ARHGAP40: variants seen among roughly 807,000 people sequenced by gnomAD.
The protein encoded by ARHGAP40 is rho GTPase-activating protein 40.
A neutral mutation model predicts 73.5 loss-of-function variants in ARHGAP40; 43 were observed. The observed-to-expected ratio is 0.58, with a 90% CI of 0.46 to 0.75. The LOEUF is 0.75. Among genes scored for constraint, ARHGAP40 ranks in the 30% least tolerant of loss-of-function variants. The pLI is 0.00. For missense variants in ARHGAP40, 734 were observed against 861.8 expected (o/e 0.85, Z 1.86); for synonymous variants, 300 against 352.8 (o/e 0.85, Z 1.68).
chr20:38,648,629 TC>T lies in ARHGAP40; in HGVS notation c.1881-13del. On this transcript the variant is annotated splice_polypyrimidine_tract_variant and intron_variant, in intron 13 of 14. Transcript: ENST00000373345. ...AAGGCAGTAGTTTTTTTTTTCTCTC[TC>T]TCTGTTTTACAGCCATAGGTCCATG... 1 of 1,300,250 alleles carries T rather than the reference TC, an allele frequency of 7.7e-7. No homozygotes were observed. Among genetic ancestry groups the T allele is most frequent in the Non-Finnish European group, 1.0e-6 (1 of 987,226 alleles). The allele number at this position is 1,300,250 out of a possible 1,614,324, so 80.5% of individuals were successfully genotyped here.
rs1191224491 is a variant in ARHGAP40, at chr20:38,635,981, G to A, written c.949+1196G>A. On this transcript the variant is annotated intron_variant, in intron 6 of 14. Transcript: ENST00000373345. ...GTCTCTCATCCTCCTGGGACCAGCT[G>A]GCTGTCTGGAGGATGTTCTTATGGT... is the stretch of plus-strand genomic sequence containing the variant. Among the ~76,000 whole-genome samples the A allele has an allele frequency of 3.3e-5, 5 of 152,248 alleles. No homozygotes were observed. In the South Asian group the frequency reaches 1.0e-3, roughly 32 times the overall value.
intron 1 of ARHGAP40, chr20:38,615,416 A>T: frequency 1.4e-6 from 1 of 724,644 alleles, no homozygotes; most frequent in Non-Finnish European, 2.6e-6. Context: ...TCCAGACTGA[A>T]GTTGGGGATA....
At chr20:38,628,954 G>C in exon 4 of ARHGAP40, 1 of 1,305,044 alleles carries the variant, frequency 7.7e-7, no homozygotes, top group South Asian at 1.2e-5. Flanking sequence ...TGGCGACTCC[G>C]GTATGAAGGG....
intron 1 of ARHGAP40, among the ~76,000 whole-genome samples, chr20:38,614,398 C>T (rs541132370): frequency 9.2e-5 from 14 of 152,032 alleles, no homozygotes; most frequent in South Asian, 4.2e-4. Context: ...TATTGTGGAT[C>T]GGGGCTTAGA....
exon 1 of ARHGAP40, chr20:38,602,033 C>T (rs1480797316): frequency 2.3e-6 from 3 of 1,287,460 alleles, no homozygotes; most frequent in South Asian, 2.5e-5. Context: ...CCCGCGGGCC[C>T]GCATTGCCAG....
rs970215000 is a variant in ARHGAP40, at chr20:38,646,960, C to G, written c.1714C>G (p.Pro572Ala). 1.5e-6 allele frequency: 2 copies of G among 1,305,018 alleles called. No homozygotes were observed. Among genetic ancestry groups the G allele is most frequent in the Non-Finnish European group, 2.0e-6 (2 of 988,842 alleles). The allele number at this position is 1,305,018 out of a possible 1,614,324, so 80.8% of individuals were successfully genotyped here. A position where few individuals can be genotyped will look rare whatever the true frequency, so the allele number is the denominator to read the frequency against. ...CTTTCTCTCTCTCTCTCTGCAGACT[C>G]CCAAGGTGGCAAAGATCCAGGTGGT... is the stretch of plus-strand genomic sequence containing the variant. Residue 572 changes from proline (P) to alanine (A), a missense_variant, in exon 13 of 15, where the codon CCC becomes GCC. Transcript: ENST00000373345. The surrounding 1 kb of genome is among the most constrained non-coding windows in gnomAD (Gnocchi z 4.5).
At chr20:38,618,886 G>T (rs1006886986) in intron 1 of ARHGAP40, among the ~76,000 whole-genome samples, 1 of 152,130 alleles carries the variant, frequency 6.6e-6, no homozygotes, top group African/African-American at 2.4e-5. Flanking sequence ...CAGATTCAAG[G>T]GGAGGAGACA....
chr20:38,634,484 G>T, intron 5 of ARHGAP40, 136 bp from the exon 6 acceptor site: 1 of 612,690 alleles, frequency 1.6e-6, no homozygotes, highest in Non-Finnish European at 2.6e-6. Flanking sequence ...CTTGAGGATG[G>T]ACTCCTCTTG....
intron 3 of ARHGAP40, among the ~76,000 whole-genome samples, chr20:38,628,617 T>G (rs935179558): frequency 1.3e-5 from 2 of 152,216 alleles, no homozygotes; most frequent in African/African-American, 4.8e-5. Context: ...ACAAAATACT[T>G]TTTTATTGTC....
rs562637167 is a variant in ARHGAP40 at position 38,628,454 on chromosome 20, G to A, written c.559-473G>A. ...CGAGTAGCTGGGACTACAGGCGCCC[G>A]CCACCATGCCCGGCTAATTTTTTGT... is the stretch of plus-strand genomic sequence containing the variant. On this transcript the variant is annotated intron_variant, in intron 3 of 14. Transcript: ENST00000373345. Among the ~76,000 whole-genome samples the A allele has an allele frequency of 3.3e-5, 5 of 152,002 alleles. No homozygotes were observed. In the South Asian group the frequency reaches 6.2e-4, roughly 19 times the overall value.
At chr20:38,642,670 T>C (rs1456100609) in intron 10 of ARHGAP40, among the ~76,000 whole-genome samples, 1 of 142,242 alleles carries the variant, frequency 7.0e-6, no homozygotes, top group Non-Finnish European at 1.5e-5. Flanking sequence ...CCACCACCCA[T>C]TTATTCTCAT....
intron 1 of ARHGAP40, among the ~76,000 whole-genome samples, chr20:38,617,058 G>A (rs2088844642): frequency 6.6e-6 from 1 of 152,166 alleles, no homozygotes; most frequent in African/African-American, 2.4e-5. Flanking sequence ...GGAACTGAAG[G>A]CTGCCCCCAA....
At position 38,634,650 on chromosome 20, in the gene ARHGAP40, G is replaced by A. The variant is rs764854776; in HGVS notation, c.814G>A (p.Val272Met). The change falls in exon 6 of 15, where the codon GTG (valine) becomes ATG (methionine). Residue 272 changes from valine to methionine, a missense_variant. By Grantham distance (21) the Val-to-Met change is conservative. Coordinates refer to ENST00000373345, the Ensembl canonical transcript of ARHGAP40. ...TACCGTCCCCAAAGGCAGACTTGGC[G>A]TGACGAGGATAGGAGACTTGTCCCT... 41 of 1,305,316 alleles carry A rather than the reference G, an allele frequency of 3.1e-5. No individual in the cohort carries two copies. The highest frequency in any genetic ancestry group is 3.0e-4 in the South Asian group (24 of 81,034). 80.9% of individuals were successfully genotyped at this position (1,305,316 alleles called of 1,614,324 possible). A position where few individuals can be genotyped will look rare whatever the true frequency, so the allele number is the denominator to read the frequency against.
chr20:38,613,612 C>T (rs902478283), intron 1 of ARHGAP40, among the ~76,000 whole-genome samples: 1 of 152,108 alleles, frequency 6.6e-6, no homozygotes, highest in Non-Finnish European at 1.5e-5. Context: ...GGCCAGGTCT[C>T]CACACCTAGG....
At chr20:38,626,456 C>G (rs2088899173) in intron 2 of ARHGAP40, among the ~76,000 whole-genome samples, 1 of 152,232 alleles carries the variant, frequency 6.6e-6, no homozygotes, top group Non-Finnish European at 1.5e-5. Context: ...ACCCGAGATC[C>G]TGAAATCTCA....
chr20:38,601,929 C>T (rs1320201291), exon 1 of ARHGAP40: 2 of 1,287,700 alleles, frequency 1.6e-6, no homozygotes, highest in African/African-American at 1.5e-5. Flanking sequence ...CCGGGATCCT[C>T]GAGGTGCCAG....
intron 1 of ARHGAP40, among the ~76,000 whole-genome samples, chr20:38,614,632 A>C (rs906278642): frequency 1.3e-5 from 2 of 152,178 alleles, no homozygotes; most frequent in Admixed American, 1.3e-4. Flanking sequence ...TCTGCTAGGG[A>C]CAATAACTTA....
At chr20:38,609,968 T>C (rs1168834854) in intron 1 of ARHGAP40, among the ~76,000 whole-genome samples, 1 of 152,304 alleles carries the variant, frequency 6.6e-6, no homozygotes, top group South Asian at 2.1e-4. Context: ...CCTGTGAAGA[T>C]GTGCAGCAAA....
intron 11 of ARHGAP40, 128 bp from the exon 12 acceptor site, chr20:38,645,919 C>A (rs199544917): frequency 1.2e-6 from 1 of 805,252 alleles, no homozygotes; most frequent in Non-Finnish European, 1.7e-6. Flanking sequence ...CCGTGTCCAA[C>A]AAATGCATAT....
Sources: allele counts gnomAD v4.1 joint callset (sites outside exome capture counted in the v4.1 genomes callset), GRCh38; gene constraint gnomAD v4.1.1; non-coding constraint Gnocchi (gnomAD v3.1); transcripts MANE v1.5; gene names NCBI Gene and HGNC (gene_info 2026-07-23, HGNC 2026-07-21).